The following SEMA3A variants were observed in gnomAD, a reference collection of about 807,000 sequenced individuals.
SEMA3A encodes the protein semaphorin-3A.
A neutral mutation model predicts 97.9 loss-of-function variants in SEMA3A; 29 were observed. The ratio of observed to expected loss-of-function variants is 0.30; its 90% CI spans 0.22 to 0.40. The LOEUF (loss-of-function observed/expected upper bound fraction) is 0.40. Ranked by LOEUF, SEMA3A falls within the 10% of genes least tolerant of loss-of-function variation. The pLI is 1.00. For synonymous variants in SEMA3A, 321 were observed against 323.7 expected (o/e 0.99, Z 0.09); for missense variants, 763 against 951.3 (o/e 0.80, Z 2.60).
intron 1 of SEMA3A, among the ~76,000 whole-genome samples, chr7:84,487,688 C>T (rs1190295474): frequency 1.3e-5 from 2 of 152,116 alleles, no homozygotes; most frequent in African/African-American, 4.8e-5. Flanking sequence ...AGGAAGTCCA[C>T]TGTTTTTAAG....
At chr7:84,101,786 C>A (rs755533978) in intron 4 of SEMA3A, among the ~76,000 whole-genome samples, 16 of 152,030 alleles carry the variant, frequency 1.1e-4, no homozygotes, top group Admixed American at 6.6e-5. Context: ...ACTGAGCTGT[C>A]CTATACGGGA....
At chr7:84,062,996 C>A (rs1166259796) in intron 4 of SEMA3A, among the ~76,000 whole-genome samples, 1 of 151,996 alleles carries the variant, frequency 6.6e-6, no homozygotes, top group African/African-American at 2.4e-5. Context: ...ACAGCAGTAA[C>A]CTCTGCAGAC....
In SEMA3A at chr7:84,058,780, T is replaced by A. The variant is rs1482768192; in HGVS notation, c.547+1685A>T. On this transcript the variant is annotated intron_variant, in intron 5 of 16. Coordinates refer to ENST00000265362, the MANE Select transcript of SEMA3A (RefSeq NM_006080.3). ...ATTGTTCTTTCTAGCCACGTCCTCTTCCTGACTCACTGAACTTTGCTCATT... is the reference window on the plus strand; with the variant it reads ...ATTGTTCTTTCTAGCCACGTCCTCTACCTGACTCACTGAACTTTGCTCATT... Among the ~76,000 whole-genome samples, 6 of 152,212 alleles carry A rather than the reference T, an allele frequency of 3.9e-5. No individual in the cohort carries two copies. The South Asian group carries it at 1.0e-3, about 26-fold the overall frequency.
At position 84,308,281 on chromosome 7, in the gene SEMA3A, A is replaced by C. The variant is rs56169999; in HGVS notation, c.-168-989T>G. Among the ~76,000 whole-genome samples, 142 of 152,270 alleles carry C rather than the reference A, an allele frequency of 9.3e-4. 1 individual carries two copies. The highest frequency in any genetic ancestry group is 3.4e-3 in the Middle Eastern group (1 of 294). ...CTTACTGTGTGATAGGATTAGATAA[A>C]ATTTAGTGAATTATTTTAAGCAAAG... On this transcript the variant is annotated intron_variant, in intron 2 of 3. Coordinates refer to the SEMA3A transcript ENST00000424555.
intron 14 of SEMA3A, among the ~76,000 whole-genome samples, chr7:83,979,631 T>C (rs2116313417): frequency 6.6e-6 from 1 of 152,282 alleles, no homozygotes; most frequent in East Asian, 1.9e-4. Flanking sequence ...TTCGACAAAA[T>C]GAATGGTTAT....
intron 7 of SEMA3A, 47 bp downstream of exon 7, chr7:84,014,161 TG>T (rs749573442): frequency 6.4e-7 from 1 of 1,553,608 alleles, no homozygotes; most frequent in South Asian, 1.2e-5. Context: ...AAAGCAAAGC[TG>T]TTATGGGAAA....
intron 1 of SEMA3A, among the ~76,000 whole-genome samples, chr7:84,154,739 A>C (rs1026112368): frequency 9.9e-5 from 15 of 151,788 alleles, no homozygotes; most frequent in African/African-American, 3.6e-4. Flanking sequence ...AGTGCAATAA[A>C]TATTTTAGAT....
intron 1 of SEMA3A, among the ~76,000 whole-genome samples, chr7:84,436,732 GT>G (rs1393134851): frequency 1.3e-5 from 2 of 152,072 alleles, no homozygotes; most frequent in Non-Finnish European, 2.9e-5. Flanking sequence ...ATAAGATCAT[GT>G]TTTGGTGGTA....
rs879751935 is a variant in SEMA3A at position 84,166,722 on chromosome 7, A to G, written c.112+27753T>C. Among the ~76,000 whole-genome samples, 5 of 151,492 alleles carry G rather than the reference A, an allele frequency of 3.3e-5. No individual in the cohort carries two copies. The South Asian group carries it at 8.4e-4, about 25-fold the overall frequency. ...CCCGTCTCTACTAAAAATACAAAAA[A>G]AAATTAGCTGGGCGCGGTGGCAGGC... On this transcript the variant is annotated intron_variant, in intron 1 of 16. Transcript: ENST00000265362.
At chr7:84,453,192 A>G (rs1418469287) in intron 1 of SEMA3A, among the ~76,000 whole-genome samples, 1 of 152,032 alleles carries the variant, frequency 6.6e-6, no homozygotes, top group Non-Finnish European at 1.5e-5. Context: ...GTGGAAAGAG[A>G]GATGAATCTA....
chr7:84,481,080 G>T (rs1806431593), intron 1 of SEMA3A, among the ~76,000 whole-genome samples: 1 of 152,070 alleles, frequency 6.6e-6, no homozygotes, highest in South Asian at 2.1e-4. Flanking sequence ...AGGAGAGAGT[G>T]TCAAAGATAA....
chr7:84,487,350 C>T (rs1806601268), intron 1 of SEMA3A, among the ~76,000 whole-genome samples: 1 of 151,854 alleles, frequency 6.6e-6, no homozygotes, highest in African/African-American at 2.4e-5. Flanking sequence ...TGTTTGAAAC[C>T]GTGGAAGTAA....
intron 1 of SEMA3A, among the ~76,000 whole-genome samples, chr7:84,376,582 C>A (rs1207654245): frequency 8.6e-6 from 1 of 116,200 alleles, no homozygotes; most frequent in Non-Finnish European, 1.6e-5. Flanking sequence ...CCAGCCTGGG[C>A]GACAGAGCGA....
chr7:84,120,661 G>T (rs1388954187), intron 3 of SEMA3A, among the ~76,000 whole-genome samples: 4 of 152,166 alleles, frequency 2.6e-5, no homozygotes, highest in African/African-American at 9.6e-5. Context: ...AATTCTTGAT[G>T]AAAATCATAT....
rs181212018 is a variant in SEMA3A at position 84,392,396 on chromosome 7, G to T, written c.-245-20496C>A. Among the ~76,000 whole-genome samples, 44 of 152,136 alleles carry T rather than the reference G, an allele frequency of 2.9e-4. 1 individual carries two copies. In the East Asian group the frequency reaches 7.7e-3, roughly 27 times the overall value. ...TATTCATGTTGTTGCAAATGATAAG[G>T]TATCTTCCTTGTTTTAGGCTGAATA... is the stretch of plus-strand genomic sequence containing the variant. On this transcript the variant is annotated intron_variant, in intron 1 of 3. Coordinates refer to the SEMA3A transcript ENST00000424555.
At chr7:84,434,493 T>C (rs143228209) in intron 1 of SEMA3A, among the ~76,000 whole-genome samples, 1 of 152,190 alleles carries the variant, frequency 6.6e-6, no homozygotes, top group African/African-American at 2.4e-5. Context: ...AAGGAGGGAC[T>C]CCTCCCTAAC....
intron 5 of SEMA3A, among the ~76,000 whole-genome samples, chr7:84,053,665 C>T (rs1219206648): frequency 6.7e-6 from 1 of 149,798 alleles, no homozygotes; most frequent in African/African-American, 2.4e-5. Flanking sequence ...ACTCTTTATC[C>T]AATTTGCCAG....
chr7:84,219,398 G>C (rs1036715246), intron 3 of SEMA3A, among the ~76,000 whole-genome samples: 1 of 152,080 alleles, frequency 6.6e-6, no homozygotes. Context: ...GTATAACTAA[G>C]TACACACAAA....
At chr7:84,258,519 GA>G (rs991385717) in intron 3 of SEMA3A, among the ~76,000 whole-genome samples, 2 of 151,328 alleles carry the variant, frequency 1.3e-5, no homozygotes, top group African/African-American at 2.4e-5. Context: ...ATCCTTGTGG[GA>G]AAAAAAATGG....
Sources: allele counts gnomAD v4.1 joint callset (sites outside exome capture counted in the v4.1 genomes callset), GRCh38; gene constraint gnomAD v4.1.1; transcripts MANE v1.5; gene names NCBI Gene and HGNC (gene_info 2026-07-23, HGNC 2026-07-21).